The following HMGCLL1 variants were observed in gnomAD, a reference collection of about 807,000 sequenced individuals.
HMGCLL1 encodes 3-hydroxy-3-methylglutaryl-CoA lyase like 1.
A neutral mutation model predicts 39.1 loss-of-function variants in HMGCLL1; 36 were observed. The ratio of observed to expected loss-of-function variants is 0.92; its 90% confidence interval spans 0.71 to 1.22. The LOEUF (loss-of-function observed/expected upper bound fraction) is 1.22, where lower values mean the gene tolerates loss of function less well. Among genes scored for constraint, HMGCLL1 ranks in the 50% most tolerant of loss-of-function variants. The pLI is 0.00. For missense variants in HMGCLL1, 451 were observed against 416.5 expected (o/e 1.08, Z -0.72); for synonymous variants, 149 against 144.0 (o/e 1.03, Z -0.25).
chr6:55,535,269 A>G (rs1417908265), intron 3 of HMGCLL1, among the ~76,000 whole-genome samples: 1 of 152,218 alleles, frequency 6.6e-6, no homozygotes, highest in Non-Finnish European at 1.5e-5. Flanking sequence ...CAGAAAATGA[A>G]CCATGACAAC....
the HMGCLL1 span, among the ~76,000 whole-genome samples, chr6:55,621,971 T>C: frequency 3.3e-5 from 5 of 152,234 alleles, no homozygotes; most frequent in Non-Finnish European, 5.9e-5. Flanking sequence ...AGTTGAGTTT[T>C]CATTATAGAG....
rs540835794 is a variant in HMGCLL1, at chr6:55,504,449, C to T, written c.543-5150G>A. 2.8e-3 allele frequency among the ~76,000 whole-genome samples: 428 copies of T among 151,644 alleles called. 2 individuals are homozygous for T. The highest frequency in any genetic ancestry group is 9.6e-3 in the African/African-American group (396 of 41,452). ...ATTATTTTCATACATATTTTATTTT[C>T]CCAGTCTGCTAAAAACTCTTTGAAG... On this transcript the variant is annotated intron_variant, in intron 5 of 8. Transcript: ENST00000274901.
intron 7 of HMGCLL1, among the ~76,000 whole-genome samples, chr6:55,448,704 T>A (rs1209699833): frequency 6.6e-6 from 1 of 152,180 alleles, no homozygotes; most frequent in Admixed American, 6.5e-5. Context: ...TCACTTTACT[T>A]CTACAGCCAT....
At chr6:55,454,606 C>T (rs146415144) in intron 7 of HMGCLL1, among the ~76,000 whole-genome samples, 58 of 152,246 alleles carry the variant, frequency 3.8e-4, no homozygotes, top group African/African-American at 1.3e-3. Context: ...TTGGATGGAT[C>T]ATGGTTTGGG....
chr6:55,477,322 T>TTATGTTTATATAATA (rs1765451805), intron 7 of HMGCLL1, among the ~76,000 whole-genome samples: 1 of 15,002 alleles, frequency 6.7e-5, no homozygotes, highest in Non-Finnish European at 9.3e-5. Flanking sequence ...ATAATATATA[T>TTATGTTTATATAATA]TATATTATAT....
chr6:55,515,346 C>A (rs759027736), intron 4 of HMGCLL1, among the ~76,000 whole-genome samples: 3 of 151,906 alleles, frequency 2.0e-5, no homozygotes, highest in Non-Finnish European at 4.4e-5. Context: ...TTTTATGCCT[C>A]TATCCAAAAT....
At chr6:55,612,954 T>G in the HMGCLL1 span, among the ~76,000 whole-genome samples, 1 of 152,178 alleles carries the variant, frequency 6.6e-6, no homozygotes, top group Admixed American at 6.5e-5. Flanking sequence ...ACAAGTGGGA[T>G]CTAATTAAAC....
At chr6:55,667,965 T>A in the HMGCLL1 span, among the ~76,000 whole-genome samples, 22 of 151,780 alleles carry the variant, frequency 1.4e-4, no homozygotes, top group Admixed American at 2.6e-4. Context: ...GCCCAATACC[T>A]TTTGAATGCC....
At chr6:55,543,422 TATATATC>T (rs1252747708) in intron 1 of HMGCLL1, among the ~76,000 whole-genome samples, 779 of 73,244 alleles carry the variant, frequency 0.011, 8 homozygotes, top group Non-Finnish European at 0.016. Flanking sequence ...TCATATATGA[TATATATC>T]ATATATCATA....
At chr6:55,604,310 C>A in the HMGCLL1 span, among the ~76,000 whole-genome samples, 1 of 152,206 alleles carries the variant, frequency 6.6e-6, no homozygotes, top group East Asian at 1.9e-4. Flanking sequence ...CATATACATT[C>A]TTTAACTTCC....
intron 3 of HMGCLL1, among the ~76,000 whole-genome samples, chr6:55,532,989 T>C (rs1368483542): frequency 1.3e-5 from 2 of 151,658 alleles, no homozygotes; most frequent in East Asian, 3.9e-4. Context: ...AGCAATGATT[T>C]AATTGTACAG....
At chr6:55,539,988 GGAAGGA>G (rs1201677463) in intron 3 of HMGCLL1, among the ~76,000 whole-genome samples, 2 of 11,678 alleles carry the variant, frequency 1.7e-4, no homozygotes, top group Admixed American at 1.2e-3. Context: ...AAGGAAGGAA[GGAAGGA>G]AGGGAGGGAG....
chr6:55,504,118 C>A (rs1362122306), intron 5 of HMGCLL1, among the ~76,000 whole-genome samples: 1 of 151,668 alleles, frequency 6.6e-6, no homozygotes, highest in Non-Finnish European at 1.5e-5. Flanking sequence ...AACCTTCTAC[C>A]TTTCTTTTAC....
At chr6:55,451,694 C>A (rs548218743) in intron 7 of HMGCLL1, among the ~76,000 whole-genome samples, 1 of 152,156 alleles carries the variant, frequency 6.6e-6, no homozygotes, top group Non-Finnish European at 1.5e-5. Flanking sequence ...AGGTAAATAA[C>A]TTCCAGTTCC....
chr6:55,574,178 G>GA (rs559255809), intron 1 of HMGCLL1, among the ~76,000 whole-genome samples: 20 of 151,598 alleles, frequency 1.3e-4, no homozygotes, highest in Middle Eastern at 6.8e-3. Context: ...AAGAAAAACT[G>GA]AAAAAAATCA....
intron 6 of HMGCLL1, among the ~76,000 whole-genome samples, chr6:55,497,695 A>G (rs564304107): frequency 2.0e-5 from 3 of 152,308 alleles, no homozygotes; most frequent in African/African-American, 7.2e-5. Flanking sequence ...GACCTATGTG[A>G]CAACTTGAAA....
the HMGCLL1 span, among the ~76,000 whole-genome samples, chr6:55,618,366 G>T: frequency 1.3e-5 from 2 of 151,896 alleles, no homozygotes; most frequent in South Asian, 2.1e-4. Context: ...TGAACAAATG[G>T]TGGCCTATAG....
the HMGCLL1 span, among the ~76,000 whole-genome samples, chr6:55,666,082 AC>A: frequency 1.1e-3 from 169 of 151,684 alleles, 4 homozygotes; most frequent in Non-Finnish European, 3.1e-4. Context: ...TACGCTCATA[AC>A]TTTTCAGCTC....
At chr6:55,589,409 A>T in the HMGCLL1 span, among the ~76,000 whole-genome samples, 3 of 152,202 alleles carry the variant, frequency 2.0e-5, no homozygotes, top group African/African-American at 2.4e-5. Context: ...ATCTCAAAAT[A>T]ATAAGAGCTA....
Sources: gnomAD v4.1 joint callset for allele counts (sites outside exome capture counted in the v4.1 genomes callset) on GRCh38, gnomAD v4.1.1 for gene constraint, MANE v1.5 for transcripts, NCBI Gene and HGNC (gene_info 2026-07-23, HGNC 2026-07-21) for gene names.